The following BPIFB1 variants were observed in gnomAD, a reference collection of about 807,000 sequenced individuals.
BPIFB1 encodes the protein BPI fold containing family B member 1.
A neutral mutation model predicts 55.1 loss-of-function variants in BPIFB1; 34 were observed. The ratio of observed to expected loss-of-function variants is 0.62; its 90% CI spans 0.47 to 0.82. BPIFB1 has a LOEUF of 0.82. BPIFB1 is among the 40% of genes least tolerant of loss of function. The probability of loss-of-function intolerance (pLI) is 0.00; values close to 1 mark genes in which losing one functional copy is unlikely to be tolerated. For missense variants in BPIFB1, 532 were observed against 593.1 expected (o/e 0.90, Z 1.07); for synonymous variants, 236 against 245.3 (o/e 0.96, Z 0.35).
chr20:33,299,350 G>C (rs879034568), intron 7 of BPIFB1: 3 of 359,814 alleles, frequency 8.3e-6, no homozygotes, highest in Admixed American at 3.5e-5. Flanking sequence ...AGATCTTTGG[G>C]GGGAGCAGAG....
chr20:33,299,203 C>T (rs1293289832), intron 7 of BPIFB1: 2 of 456,488 alleles, frequency 4.4e-6, no homozygotes, highest in Admixed American at 4.7e-5. Context: ...GCCCCGAGGA[C>T]GGGCCCGGAG....
chr20:33,306,316 A>G (rs1293637908), intron 14 of BPIFB1, among the ~76,000 whole-genome samples: 1 of 152,214 alleles, frequency 6.6e-6, no homozygotes, highest in Non-Finnish European at 1.5e-5. Context: ...GCATAAGCAG[A>G]CAATGAGAGC....
At chr20:33,300,763 T>C (rs1335080520) in intron 8 of BPIFB1, among the ~76,000 whole-genome samples, 1 of 152,038 alleles carries the variant, frequency 6.6e-6, no homozygotes, top group Admixed American at 6.6e-5. Flanking sequence ...ATTTTCTGTA[T>C]TTTTTGTAAA....
intron 12 of BPIFB1, 71 bp from the exon 13 acceptor site, chr20:33,304,775 C>T (rs1317254513): frequency 5.8e-6 from 9 of 1,562,426 alleles, no homozygotes; most frequent in South Asian, 4.4e-5. Flanking sequence ...CTCAATAAAT[C>T]GCTGTTGAAT....
chr20:33,307,017 C>G (rs1285914367), intron 15 of BPIFB1, 30 bp downstream of exon 15: 1 of 1,599,102 alleles, frequency 6.3e-7, no homozygotes, highest in Non-Finnish European at 8.6e-7. Context: ...AACATCCTGC[C>G]CCAGGGAGGG....
chr20:33,303,997 C>G lies in BPIFB1; in HGVS notation c.1180C>G (p.Gln394Glu). 1 of 1,613,606 alleles carries G rather than the reference C, an allele frequency of 6.2e-7. No homozygotes were observed. Among genetic ancestry groups the G allele is most frequent in the Admixed American group, 1.7e-5 (1 of 59,866 alleles). ...SEAQFYTKGD[Q>E]LILNLNNISS... ...AGCTCAGTTTTACACCAAAGGTGAC[C>G]AACTTATACTCAACTTGAATAACAT... The change falls in exon 12 of 16, where the codon CAA (glutamine) becomes GAA (glutamate). Residue 394 changes from glutamine (Q) to glutamate (E), a missense_variant. By Grantham distance (29) the Gln-to-Glu change is conservative (BLOSUM62 2). Coordinates refer to ENST00000253354, the MANE Select transcript of BPIFB1 (RefSeq NM_033197.3).
chr20:33,290,053 C>G, intron 4 of BPIFB1, 61 bp downstream of exon 4: 1 of 1,310,072 alleles, frequency 7.6e-7, no homozygotes, highest in Non-Finnish European at 1.1e-6. Flanking sequence ...GTTCCCCCTC[C>G]CCCGCCCCCA....
chr20:33,305,054 A>G (rs1980979028), intron 13 of BPIFB1, among the ~76,000 whole-genome samples, 163 bp downstream of exon 13: 1 of 152,208 alleles, frequency 6.6e-6, no homozygotes, highest in African/African-American at 2.4e-5. Context: ...GAGTGTTTAC[A>G]GAGAAGCCAC....
At chr20:33,295,506 T>G (rs181966875) in intron 6 of BPIFB1, among the ~76,000 whole-genome samples, 1 of 151,444 alleles carries the variant, frequency 6.6e-6, no homozygotes, top group African/African-American at 2.4e-5. Flanking sequence ...CTCGGGAGGA[T>G]GAGGCAGGAG....
At chr20:33,285,044 G>A (rs1980220146) in intron 1 of BPIFB1, among the ~76,000 whole-genome samples, 1 of 152,034 alleles carries the variant, frequency 6.6e-6, no homozygotes. Flanking sequence ...TCATGTCTTG[G>A]GCCCCAGGAC....
chr20:33,306,217 A>T, intron 14 of BPIFB1, 152 bp downstream of exon 14: 1 of 855,702 alleles, frequency 1.2e-6, no homozygotes, highest in South Asian at 1.5e-5. Flanking sequence ...GAACCTTCTC[A>T]GCCCAATTCC....
intron 7 of BPIFB1, chr20:33,299,247 C>T (rs759079662): frequency 6.7e-6 from 3 of 446,576 alleles, no homozygotes; most frequent in South Asian, 4.7e-5. Flanking sequence ...CGGTCCCTGG[C>T]CCTCCAGCAC....
At chr20:33,302,792 G>A (rs940978062) in intron 10 of BPIFB1, 124 bp from the exon 11 acceptor site, 8 of 1,067,974 alleles carry the variant, frequency 7.5e-6, no homozygotes, top group Non-Finnish European at 1.1e-5. Context: ...AAGAAGGACA[G>A]GGTGGCTGGA....
chr20:33,305,856 C>T, intron 13 of BPIFB1, 146 bp from the exon 14 acceptor site: 1 of 894,644 alleles, frequency 1.1e-6, no homozygotes, highest in Non-Finnish European at 1.8e-6. Flanking sequence ...CTGGGAGCCC[C>T]CACAGCTCTG....
At chr20:33,308,344 G>A (rs1174249516) in intron 15 of BPIFB1, among the ~76,000 whole-genome samples, 1 of 152,142 alleles carries the variant, frequency 6.6e-6, no homozygotes, top group African/African-American at 2.4e-5. Context: ...CCTGAGGCAG[G>A]GATTGTTGGT....
At chr20:33,283,403 G>C (rs1334592786) in intron 1 of BPIFB1, 149 bp downstream of exon 1, 1 of 152,634 alleles carries the variant, frequency 6.6e-6, no homozygotes, top group Non-Finnish European at 1.5e-5. Flanking sequence ...TCAGGGCCAG[G>C]TGTAGAGAGA....
Position 33,289,923 on chromosome 20 carries a change from T to A in BPIFB1, c.296T>A (p.Val99Glu). The change falls in exon 4 of 16, where the codon GTG (valine) becomes GAG (glutamate). Residue 99 changes from valine to glutamate, a missense_variant. By Grantham distance (121) the Val-to-Glu change is moderately radical. Transcript: ENST00000253354. ...VITANILQLQVKPSANDQELL... is the reference protein window; with the variant it reads ...VITANILQLQEKPSANDQELL... ...ACAGCTAACATCCTCCAGCTGCAGG[T>A]GAAGCCCTCGGCCAATGACCAGGAG... 1 of 1,614,146 alleles carries A rather than the reference T, an allele frequency of 6.2e-7. No homozygotes were observed. Among genetic ancestry groups the A allele is most frequent in the Non-Finnish European group, 8.5e-7 (1 of 1,180,018 alleles).
Position 33,290,941 on chromosome 20 carries a change from T to A in BPIFB1, c.366-16T>A. On this transcript the variant is annotated splice_polypyrimidine_tract_variant and intron_variant, in intron 4 of 15. Coordinates refer to ENST00000253354, the MANE Select transcript of BPIFB1 (RefSeq NM_033197.3). ...CTTGCCTGGTGCTCACATGGTCAGG[T>A]GCCTCCACCCGCTAGGCCCCTGGTC... is the stretch of plus-strand genomic sequence containing the variant. The A allele has an allele frequency of 6.2e-7, 1 of 1,612,494 alleles. No individual in the cohort carries two copies. The highest frequency in any genetic ancestry group is 1.1e-5 in the South Asian group (1 of 90,990).
chr20:33,301,473 A>G, intron 9 of BPIFB1, 61 bp downstream of exon 9: 1 of 1,519,476 alleles, frequency 6.6e-7, no homozygotes, highest in South Asian at 1.2e-5. Flanking sequence ...GAATTTCCTG[A>G]ACACAGGGTG....
Sources: allele counts gnomAD v4.1 joint callset (sites outside exome capture counted in the v4.1 genomes callset), GRCh38; gene constraint gnomAD v4.1.1; transcripts MANE v1.5; gene names NCBI Gene and HGNC (gene_info 2026-07-23, HGNC 2026-07-21).